The following KLRG1 variants were observed in gnomAD, a reference collection of about 807,000 sequenced individuals.
The protein encoded by KLRG1 is killer cell lectin-like receptor subfamily G member 1.
A neutral mutation model predicts 21.8 loss-of-function variants in KLRG1; 16 were observed. That is an observed-to-expected ratio of 0.73 (90% CI 0.50 to 1.11). The LOEUF is 1.11. Ranked by LOEUF, KLRG1 falls within the 50% of genes most tolerant of loss-of-function variation. KLRG1 has a pLI of 0.00. For synonymous variants in KLRG1, 69 were observed against 75.9 expected, an observed-to-expected ratio of 0.91 and a Z score of 0.47; for missense variants, 173 against 218.3, an observed-to-expected ratio of 0.79 and a Z score of 1.31.
the KLRG1 span, chr12:9,182,045 G>A: frequency 6.2e-7 from 1 of 1,613,584 alleles, no homozygotes; most frequent in South Asian, 1.1e-5. Flanking sequence ...TGGTAAAATG[G>A]CAAAGATGAA....
the KLRG1 span, among the ~76,000 whole-genome samples, chr12:9,117,725 G>A: frequency 6.6e-6 from 1 of 152,174 alleles, no homozygotes; most frequent in Admixed American, 6.5e-5. Flanking sequence ...ACTAGAAATA[G>A]AATGTGATCG....
chr12:8,984,278 C>G (rs1178230983), intron 1 of KLRG1, among the ~76,000 whole-genome samples: 4 of 152,186 alleles, frequency 2.6e-5, no homozygotes, highest in Admixed American at 2.6e-4. Flanking sequence ...TCTCAGTTCA[C>G]TGCAACCTCT....
the KLRG1 span, chr12:9,104,105 C>T: frequency 1.1e-6 from 1 of 879,982 alleles, no homozygotes. Context: ...AAAAGTTAAC[C>T]TTCAATCGGT....
At chr12:9,193,883 ATCAGGCACTTCTG>A in the KLRG1 span, among the ~76,000 whole-genome samples, 170 of 152,380 alleles carry the variant, frequency 1.1e-3, 4 homozygotes, top group East Asian at 0.021. Context: ...TAGTGAAATT[ATCAGGCACTTCTG>A]CAGTGCCTTT....
At chr12:9,010,843 C>G (rs1947621493), downstream of KLRG1, 1 of 152,216 alleles carries the variant, frequency 6.6e-6, no homozygotes, top group Non-Finnish European at 1.5e-5. Context: ...TCCTCCCTAA[C>G]TCACCAATAT....
chr12:9,164,251 C>T, the KLRG1 span: 1 of 1,612,980 alleles, frequency 6.2e-7, no homozygotes, highest in Non-Finnish European at 8.5e-7. Context: ...CTTTCAGCTG[C>T]ACACTGACCT....
chr12:9,079,888 A>T, the KLRG1 span: 1 of 1,361,294 alleles, frequency 7.3e-7, no homozygotes, highest in Admixed American at 3.0e-5. Context: ...AGCAGAAATA[A>T]TTAGTTGAGC....
the KLRG1 span, among the ~76,000 whole-genome samples, chr12:9,205,663 T>A: frequency 6.6e-6 from 1 of 152,214 alleles, no homozygotes; most frequent in Non-Finnish European, 1.5e-5. Flanking sequence ...GTTAGGCCAT[T>A]TATAGAGTAA....
chr12:9,068,000 G>A, the KLRG1 span: 3 of 958,422 alleles, frequency 3.1e-6, no homozygotes, highest in Middle Eastern at 6.3e-4. Context: ...CAATCCTATG[G>A]ACTCTCTGAG....
chr12:8,997,825 T>G (rs941378453), intron 3 of KLRG1, among the ~76,000 whole-genome samples: 1 of 152,204 alleles, frequency 6.6e-6, no homozygotes, highest in African/African-American at 2.4e-5. Flanking sequence ...TTGCTCTTGT[T>G]GCCCAGGCTG....
chr12:9,097,196 G>A, the KLRG1 span, among the ~76,000 whole-genome samples: 2 of 152,100 alleles, frequency 1.3e-5, no homozygotes, highest in Non-Finnish European at 2.9e-5. Flanking sequence ...AGATCCTACT[G>A]TTGAAATGTA....
At chr12:9,149,649 T>A in the KLRG1 span, 1 of 1,583,840 alleles carries the variant, frequency 6.3e-7, no homozygotes, top group Non-Finnish European at 8.6e-7. Context: ...ATCTATGAAC[T>A]AGGGACCATG....
the KLRG1 span, among the ~76,000 whole-genome samples, chr12:9,211,078 G>A: frequency 6.6e-6 from 1 of 152,132 alleles, no homozygotes; most frequent in African/African-American, 2.4e-5. Flanking sequence ...TCTCCAGAAT[G>A]GTTGCATCAC....
the KLRG1 span, chr12:9,154,578 G>A: frequency 5.7e-6 from 9 of 1,582,788 alleles, no homozygotes; most frequent in Non-Finnish European, 6.1e-6. Flanking sequence ...CAATTGCCAA[G>A]TGAACCTGGA....
At chr12:8,963,553 T>G (rs1387951049) in intron 1 of KLRG1, among the ~76,000 whole-genome samples, 2 of 152,254 alleles carry the variant, frequency 1.3e-5, no homozygotes, top group African/African-American at 4.8e-5. Context: ...CCTCATAAAA[T>G]GAGTTAGGGA....
chr12:8,994,026 G>T (rs2137348243), intron 2 of KLRG1, among the ~76,000 whole-genome samples: 1 of 152,212 alleles, frequency 6.6e-6, no homozygotes, highest in South Asian at 2.1e-4. Flanking sequence ...TGGAATCTTG[G>T]TTGGAATTAC....
At chr12:9,107,395 A>G in the KLRG1 span, 17 of 1,186,682 alleles carry the variant, frequency 1.4e-5, no homozygotes, top group Admixed American at 1.4e-4. Context: ...TTTTTTTGAA[A>G]AATTACAATA....
chr12:8,972,500 G>A (rs1946587672), intron 1 of KLRG1, among the ~76,000 whole-genome samples: 1 of 152,192 alleles, frequency 6.6e-6, no homozygotes, highest in African/African-American at 2.4e-5. Context: ...TATGGTGTGA[G>A]TTAAGTCCAG....
At chr12:9,059,996 C>CTTTTTTTTTT in the KLRG1 span, among the ~76,000 whole-genome samples, 1 of 75,568 alleles carries the variant, frequency 1.3e-5, no homozygotes, top group African/African-American at 5.4e-5. Context: ...GCCCTGGCAT[C>CTTTTTTTTTT]TTTTTTTTTT....
Sources: allele counts gnomAD v4.1 joint callset (sites outside exome capture counted in the v4.1 genomes callset), GRCh38; gene constraint gnomAD v4.1.1; transcripts MANE v1.5; gene names NCBI Gene and HGNC (gene_info 2026-07-23, HGNC 2026-07-21).